Variants in MARCHF10 observed in about 807,000 individuals in gnomAD.
MARCHF10 encodes the protein probable E3 ubiquitin-protein ligase MARCHF10.
A neutral mutation model predicts 76.2 loss-of-function variants in MARCHF10; 64 were observed. The observed-to-expected ratio is 0.84, with a 90% CI of 0.69 to 1.03. The LOEUF (loss-of-function observed/expected upper bound fraction) is 1.03, where lower values mean the gene tolerates loss of function less well. MARCHF10 is among the 50% of genes least tolerant of loss of function. MARCHF10 has a pLI of 0.00. For missense variants in MARCHF10, 875 were observed against 958.0 expected (o/e 0.91, Z 1.14); for synonymous variants, 340 against 357.5 (o/e 0.95, Z 0.55).
At chr17:62,734,270 G>A (rs1315314437) in intron 6 of MARCHF10, among the ~76,000 whole-genome samples, 3 of 152,182 alleles carry the variant, frequency 2.0e-5, no homozygotes, top group African/African-American at 7.2e-5. Context: ...GCAAAAGGAT[G>A]ATAAACGCAA....
chr17:62,799,391 T>C (rs1324809172), intron 2 of MARCHF10, among the ~76,000 whole-genome samples: 1 of 152,158 alleles, frequency 6.6e-6, no homozygotes, highest in Non-Finnish European at 1.5e-5. Context: ...TGACCCTTAA[T>C]ACAACATAAA....
chr17:62,725,276 T>C (rs1321592612), intron 6 of MARCHF10, among the ~76,000 whole-genome samples, 172 bp from the exon 7 acceptor site: 1 of 152,212 alleles, frequency 6.6e-6, no homozygotes, highest in Non-Finnish European at 1.5e-5. Context: ...TTCTCTCTTT[T>C]TTTTTGAAAC....
intron 6 of MARCHF10, among the ~76,000 whole-genome samples, chr17:62,728,226 A>C (rs370060746): frequency 6.6e-6 from 1 of 151,838 alleles, no homozygotes; most frequent in Non-Finnish European, 1.5e-5. Context: ...CAGGGTCTCC[A>C]TTGTTGCCAG....
intron 6 of MARCHF10, among the ~76,000 whole-genome samples, chr17:62,734,934 G>A (rs573385692): frequency 1.3e-5 from 2 of 152,288 alleles, no homozygotes; most frequent in South Asian, 4.1e-4. Flanking sequence ...TTCTGGGGAG[G>A]TGAGGATTGG....
intron 3 of MARCHF10, among the ~76,000 whole-genome samples, chr17:62,787,974 T>C (rs1333987065): frequency 1.3e-5 from 2 of 152,208 alleles, no homozygotes; most frequent in Non-Finnish European, 2.9e-5. Context: ...AAATATTTTA[T>C]CATCATATTG....
intron 3 of MARCHF10, among the ~76,000 whole-genome samples, chr17:62,784,445 T>C (rs1383607933): frequency 6.6e-6 from 1 of 152,200 alleles, no homozygotes; most frequent in Non-Finnish European, 1.5e-5. Flanking sequence ...CTGGAAGCAT[T>C]CCCTTTGAAA....
At chr17:62,806,103 G>A (rs1284357012) in intron 1 of MARCHF10, among the ~76,000 whole-genome samples, 2 of 152,020 alleles carry the variant, frequency 1.3e-5, no homozygotes, top group Non-Finnish European at 2.9e-5. Context: ...CCAAGAAAAC[G>A]GTATTAGTGT....
At chr17:62,705,429 C>T (rs1001530618) in intron 10 of MARCHF10, 110 bp downstream of exon 10, 3 of 1,598,060 alleles carry the variant, frequency 1.9e-6, no homozygotes, top group African/African-American at 2.7e-5. Context: ...ATTTTTGCCT[C>T]TGGGTGGTGG....
chr17:62,797,771 C>G (rs1474398788), intron 2 of MARCHF10, among the ~76,000 whole-genome samples: 1 of 152,162 alleles, frequency 6.6e-6, no homozygotes, highest in Non-Finnish European at 1.5e-5. Flanking sequence ...TTCAAGGAAA[C>G]AGTCTGACAG....
chr17:62,781,964 CA>C (rs2148074482), intron 3 of MARCHF10, among the ~76,000 whole-genome samples: 2 of 152,260 alleles, frequency 1.3e-5, no homozygotes, highest in African/African-American at 4.8e-5. Context: ...AAATCAGAGG[CA>C]AATGCTATTT....
At chr17:62,786,682 T>C (rs927161705) in intron 3 of MARCHF10, among the ~76,000 whole-genome samples, 2 of 152,192 alleles carry the variant, frequency 1.3e-5, no homozygotes, top group Admixed American at 6.5e-5. Flanking sequence ...TTTGCAGTGA[T>C]GGTTTAAAGA....
chr17:62,711,481 G>A lies in MARCHF10; in HGVS notation c.2215-137C>T, dbSNP rs2089928492. The A allele has an allele frequency of 1.3e-6, 1 of 753,750 alleles. No individual in the cohort carries two copies. The allele number at this position is 753,750 out of a possible 1,614,324, so 46.7% of individuals were successfully genotyped here. A position where few individuals can be genotyped will look rare whatever the true frequency, so the allele number is the denominator to read the frequency against. ...AGCTCCAAGGCAAGGCCTGCTCTTG[G>A]GGACCAGAAGACAGAGCAGGAGGAG... On this transcript the variant is annotated intron_variant, in intron 8 of 10. Transcript: ENST00000311269. The surrounding 1 kb of genome is among the most constrained non-coding windows in gnomAD (Gnocchi z 4.4).
intron 4 of MARCHF10, among the ~76,000 whole-genome samples, chr17:62,757,567 G>T (rs898538565): frequency 6.6e-6 from 1 of 152,168 alleles, no homozygotes; most frequent in Admixed American, 6.5e-5. Flanking sequence ...TAAAATGGAT[G>T]GATCTTAACA....
intron 3 of MARCHF10, among the ~76,000 whole-genome samples, chr17:62,775,538 C>T (rs1466806805): frequency 1.3e-5 from 2 of 151,820 alleles, no homozygotes; most frequent in African/African-American, 4.9e-5. Flanking sequence ...AATTACCATC[C>T]CCATGGTACC....
At chr17:62,703,096 A>G (rs1415205298) in intron 10 of MARCHF10, among the ~76,000 whole-genome samples, 1 of 152,236 alleles carries the variant, frequency 6.6e-6, no homozygotes, top group African/African-American at 2.4e-5. Context: ...GACTCTCCCC[A>G]GCTGCCCTAA....
intron 2 of MARCHF10, among the ~76,000 whole-genome samples, chr17:62,793,226 C>T (rs2092905952): frequency 7.6e-6 from 1 of 131,890 alleles, no homozygotes; most frequent in Non-Finnish European, 1.6e-5. Context: ...ACCTCCACTG[C>T]CACCACCACC....
chr17:62,777,150 C>T (rs375671845), intron 3 of MARCHF10, among the ~76,000 whole-genome samples: 49 of 152,314 alleles, frequency 3.2e-4, no homozygotes, highest in East Asian at 2.1e-3. Flanking sequence ...CTGGCTATTA[C>T]GGCGATATGG....
intron 8 of MARCHF10, chr17:62,714,328 G>A (rs958276647): frequency 2.2e-6 from 2 of 901,634 alleles, no homozygotes; most frequent in African/African-American, 3.6e-5. Context: ...AGGACCAAAG[G>A]GACTCAATTT....
In MARCHF10 at chr17:62,759,942, C is replaced by A. The variant is rs1215616166; in HGVS notation, c.275G>T (p.Cys92Phe). 2 of 1,613,884 alleles carry A rather than the reference C, an allele frequency of 1.2e-6. No homozygotes were observed. The highest frequency in any genetic ancestry group is 2.7e-5 in the African/African-American group (2 of 74,898). ...RSSIKISAFKCDSKLPAIDQT... is the reference protein window; with the variant it reads ...RSSIKISAFKFDSKLPAIDQT... ...GTCAATTGCTGGAAGTTTGGAGTCA[C>A]ACTTAAATGCAGATATCTTGATAGA... The change falls in exon 4 of 11, where the codon TGT becomes TTT. Residue 92 changes from cysteine to phenylalanine, a missense_variant. Coordinates refer to ENST00000311269, the MANE Select transcript of MARCHF10 (RefSeq NM_152598.4).
Sources: allele counts gnomAD v4.1 joint callset (sites outside exome capture counted in the v4.1 genomes callset), GRCh38; gene constraint gnomAD v4.1.1; non-coding constraint Gnocchi (gnomAD v3.1); transcripts MANE v1.5; gene names NCBI Gene and HGNC (gene_info 2026-07-23, HGNC 2026-07-21).